The following PAAF1 variants were observed in gnomAD, a reference collection of about 807,000 sequenced individuals.
The protein encoded by PAAF1 is proteasomal ATPase-associated factor 1.
PAAF1 carries 46 observed loss-of-function variants against 52.8 expected under a neutral mutation model. That is an observed-to-expected ratio of 0.87 (90% CI 0.69 to 1.11). The LOEUF (loss-of-function observed/expected upper bound fraction) is 1.11, where lower values mean the gene tolerates loss of function less well. PAAF1 is among the 50% of genes most tolerant of loss of function. PAAF1 has a pLI of 0.00. For missense variants in PAAF1, 424 were observed against 477.4 expected (o/e 0.89, Z 1.04); for synonymous variants, 178 against 172.8 (o/e 1.03, Z -0.24).
Position 73,900,273 on chromosome 11 carries a change from G to T in PAAF1, c.385G>T (p.Val129Leu). The change falls in exon 6 of 12, where the codon GTA becomes TTA. Residue 129 changes from valine to leucine, a missense_variant. Coordinates refer to ENST00000310571, the MANE Select transcript of PAAF1 (RefSeq NM_025155.3). The part of the protein sequence containing the change: ...WQASNGELRR[V>L]LEGHVFDVNC... ...GAATTTTCTTTTGTTTTTCCAGAGA[G>T]TATTGGAAGGACATGTGTTTGATGT... is the stretch of plus-strand genomic sequence containing the variant. The T allele has an allele frequency of 6.2e-7, 1 of 1,602,136 alleles. No individual in the cohort carries two copies. Among genetic ancestry groups the T allele is most frequent in the Non-Finnish European group, 8.5e-7 (1 of 1,172,258 alleles).
chr11:73,892,124 A>C (rs146377606), intron 4 of PAAF1, among the ~76,000 whole-genome samples: 1 of 152,138 alleles, frequency 6.6e-6, no homozygotes, highest in Non-Finnish European at 1.5e-5. Context: ...GGAGTTCAAG[A>C]CCAGCCTGAG....
chr11:73,919,617 C>A (rs1565151804), intron 10 of PAAF1, among the ~76,000 whole-genome samples: 1 of 152,192 alleles, frequency 6.6e-6, no homozygotes, highest in East Asian at 1.9e-4. Context: ...GCTTTACATA[C>A]ATATTCTAGG....
chr11:73,925,741 A>C (rs868304847), intron 11 of PAAF1, among the ~76,000 whole-genome samples: 1 of 152,264 alleles, frequency 6.6e-6, no homozygotes, highest in East Asian at 1.9e-4. Context: ...CTTTGTTACT[A>C]TTTGTTGAGG....
chr11:73,904,472 A>T (rs1252299111), intron 6 of PAAF1, among the ~76,000 whole-genome samples: 1 of 151,830 alleles, frequency 6.6e-6, no homozygotes, highest in African/African-American at 2.4e-5. Context: ...CTTTATTTTT[A>T]TTTTTTTTCT....
At chr11:73,894,204 A>C (rs1176349121) in intron 4 of PAAF1, among the ~76,000 whole-genome samples, 1 of 152,176 alleles carries the variant, frequency 6.6e-6, no homozygotes, top group Non-Finnish European at 1.5e-5. Flanking sequence ...GAAGTAAGTC[A>C]TTTTAAAAAT....
intron 6 of PAAF1, among the ~76,000 whole-genome samples, chr11:73,904,957 C>T (rs1025480583): frequency 6.6e-6 from 1 of 152,080 alleles, no homozygotes; most frequent in Non-Finnish European, 1.5e-5. Context: ...GGTTTGATAT[C>T]TAAAGCCTTT....
At chr11:73,902,968 G>C (rs1949665277) in intron 6 of PAAF1, among the ~76,000 whole-genome samples, 2 of 152,212 alleles carry the variant, frequency 1.3e-5, no homozygotes, top group Admixed American at 6.5e-5. Context: ...AAAGTGCCGG[G>C]ATTACAGGCG....
chr11:73,889,745 C>T lies in PAAF1; in HGVS notation c.193-1367C>T, dbSNP rs769615074. ...TATTCAGCCAAGAGGATTTAGCTGACGCTTTAGTTTCTGGTACAAGAGGCA... is the reference window on the plus strand; with the variant it reads ...TATTCAGCCAAGAGGATTTAGCTGATGCTTTAGTTTCTGGTACAAGAGGCA... On this transcript the variant is annotated intron_variant, in intron 3 of 11. Coordinates refer to ENST00000310571, the MANE Select transcript of PAAF1 (RefSeq NM_025155.3). Among the ~76,000 whole-genome samples, 19 of 152,316 alleles carry T rather than the reference C, an allele frequency of 1.2e-4. 1 individual carries two copies. Among genetic ancestry groups the T allele is most frequent in the South Asian group, 1.2e-3 (6 of 4,826 alleles).
chr11:73,876,985 G>A (rs141282994), upstream of PAAF1: 4,545 of 1,503,468 alleles, frequency 3.0e-3, 135 homozygotes, highest in African/African-American at 0.057. Flanking sequence ...CTTCCGGGAA[G>A]GGGCGGAAGA....
intron 6 of PAAF1, among the ~76,000 whole-genome samples, chr11:73,904,260 T>C (rs752927798): frequency 2.0e-5 from 3 of 152,106 alleles, no homozygotes; most frequent in Non-Finnish European, 4.4e-5. Flanking sequence ...AGTAGTTTTG[T>C]GATTGTAACA....
At chr11:73,911,217 A>C (rs1246833975) in intron 7 of PAAF1, among the ~76,000 whole-genome samples, 1 of 152,080 alleles carries the variant, frequency 6.6e-6, no homozygotes, top group East Asian at 1.9e-4. Context: ...AGTGACATGT[A>C]TTTACCATTG....
At chr11:73,879,235 A>G (rs1381779457) in intron 2 of PAAF1, 1 of 152,638 alleles carries the variant, frequency 6.6e-6, no homozygotes, top group Non-Finnish European at 1.5e-5. Context: ...ACCTTAAGTT[A>G]CTGGACTTAC....
chr11:73,921,688 A>G (rs1950224688), intron 10 of PAAF1: 1 of 835,156 alleles, frequency 1.2e-6, no homozygotes, highest in African/African-American at 1.7e-5. Flanking sequence ...CTCTAGCATG[A>G]ACTGTCTCTT....
chr11:73,918,865 T>TA (rs1325144624), intron 9 of PAAF1, 85 bp from the exon 10 acceptor site: 4 of 934,460 alleles, frequency 4.3e-6, no homozygotes, highest in Non-Finnish European at 6.7e-6. Flanking sequence ...TGTTTGCTCT[T>TA]ATGTGGTTAG....
At chr11:73,915,721 A>C (rs941213742) in intron 8 of PAAF1, among the ~76,000 whole-genome samples, 1 of 152,182 alleles carries the variant, frequency 6.6e-6, no homozygotes, top group Non-Finnish European at 1.5e-5. Context: ...TTCTTAACTA[A>C]ATTCTCTCTT....
intron 4 of PAAF1, among the ~76,000 whole-genome samples, chr11:73,898,076 G>A (rs531600096): frequency 7.2e-5 from 11 of 152,206 alleles, no homozygotes; most frequent in African/African-American, 2.6e-4. Flanking sequence ...GCAGGCACTC[G>A]GCAAGCTGAG....
In PAAF1 at chr11:73,916,544, G is replaced by T; in HGVS notation, c.820-1G>T. 6.2e-7 allele frequency: 1 copy of T among 1,605,638 alleles called. No individual in the cohort carries two copies. The highest frequency in any genetic ancestry group is 1.1e-5 in the South Asian group (1 of 89,800). On this transcript the variant is annotated splice_acceptor_variant, in intron 8 of 11. Coordinates refer to ENST00000310571, the MANE Select transcript of PAAF1 (RefSeq NM_025155.3). LOFTEE classifies it high-confidence loss of function. ...CATTTTTGCCTCCTACTTGTTCCCA[G>T]GTGTTCCTCTTTATTGGCTCAGACG...
At position 73,920,638 on chromosome 11, in the gene PAAF1, A is replaced by G. The variant is rs570707635; in HGVS notation, c.1018+1606A>G. ...GAAGCTGAAGCGGGTGGATTCCTTG[A>G]GGTCAGGAATTTGAGACTACCCTGG... On this transcript the variant is annotated intron_variant, in intron 10 of 11. Transcript: ENST00000310571. 7.9e-5 allele frequency among the ~76,000 whole-genome samples: 12 copies of G among 151,992 alleles called. No homozygotes were observed. In the South Asian group the frequency reaches 2.5e-3, roughly 32 times the overall value.
At chr11:73,885,599 C>T (rs561571816) in intron 2 of PAAF1, among the ~76,000 whole-genome samples, 4 of 151,074 alleles carry the variant, frequency 2.6e-5, no homozygotes, top group African/African-American at 7.3e-5. Flanking sequence ...CCCAGCACTT[C>T]GGGAGGTTGA....
Sources: gnomAD v4.1 joint callset for allele counts (sites outside exome capture counted in the v4.1 genomes callset) on GRCh38, gnomAD v4.1.1 for gene constraint, MANE v1.5 for transcripts, NCBI Gene and HGNC (gene_info 2026-07-23, HGNC 2026-07-21) for gene names.